Variants in TMEM132D observed in about 807,000 individuals in gnomAD.
The protein encoded by TMEM132D is mature OL transmembrane protein.
In TMEM132D, 21 loss-of-function variants were observed where a neutral mutation model predicts 62.3. The observed-to-expected ratio is 0.34, with a 90% CI of 0.24 to 0.49. TMEM132D has a LOEUF of 0.49. Ranked by LOEUF, TMEM132D falls within the 20% of genes least tolerant of loss-of-function variation. TMEM132D has a pLI of 0.99. For synonymous variants in TMEM132D, 621 were observed against 575.6 expected, an observed-to-expected ratio of 1.08 and a Z score of -1.13; for missense variants, 1,346 against 1,402.8, an observed-to-expected ratio of 0.96 and a Z score of 0.65.
chr12:129,274,142 CT>C (rs1880938098), intron 4 of TMEM132D, among the ~76,000 whole-genome samples: 2 of 151,894 alleles, frequency 1.3e-5, no homozygotes, highest in Admixed American at 6.5e-5. Context: ...TGCCGGAAGT[CT>C]TATGCGCATG....
chr12:129,137,371 G>T (rs1401090153), intron 5 of TMEM132D, among the ~76,000 whole-genome samples: 1 of 152,124 alleles, frequency 6.6e-6, no homozygotes, highest in African/African-American at 2.4e-5. Context: ...TAAATGCCCT[G>T]AAAATCTTAC....
intron 1 of TMEM132D, among the ~76,000 whole-genome samples, chr12:129,895,285 C>T (rs532584251): frequency 7.2e-5 from 11 of 152,180 alleles, no homozygotes; most frequent in Non-Finnish European, 1.0e-4. Flanking sequence ...TTGTTTGTAA[C>T]GTTACTGAAA....
chr12:129,128,828 A>C lies in TMEM132D; in HGVS notation c.1444-44126T>G, dbSNP rs554487858. Among the ~76,000 whole-genome samples the C allele has an allele frequency of 3.9e-5, 6 of 152,112 alleles. No individual in the cohort carries two copies. The South Asian group carries it at 1.3e-3, about 32-fold the overall frequency. ...CATGTGTGCCCATTGTTTAGCTCCA[A>C]CTTATACATGAGATCATGCAGTATT... On this transcript the variant is annotated intron_variant, in intron 5 of 8. Transcript: ENST00000422113.
intron 2 of TMEM132D, among the ~76,000 whole-genome samples, chr12:129,690,223 C>A (rs610524): frequency 0.013 from 1,950 of 152,022 alleles, 34 homozygotes; most frequent in African/African-American, 0.045. Context: ...AGAATCAGTA[C>A]ACCAAGAGAG....
chr12:129,792,823 T>C (rs951698939), intron 1 of TMEM132D, among the ~76,000 whole-genome samples: 2 of 151,994 alleles, frequency 1.3e-5, no homozygotes, highest in East Asian at 1.9e-4. Flanking sequence ...ACATTTGGCA[T>C]TTTTTTCTGA....
In TMEM132D at chr12:129,457,876, C is replaced by A. The variant is rs140579669; in HGVS notation, c.1115+73183G>T. On this transcript the variant is annotated intron_variant, in intron 3 of 8. Coordinates refer to ENST00000422113, the MANE Select transcript of TMEM132D (RefSeq NM_133448.3). ...CCCTCAGCAGGTCTCCCCTCCAACA[C>A]TGGGGATTACAATTTGACATGAGAT... is the stretch of plus-strand genomic sequence containing the variant. Among the ~76,000 whole-genome samples the A allele has an allele frequency of 3.4e-3, 525 of 152,318 alleles. 3 individuals carry two copies. Among genetic ancestry groups the A allele is most frequent in the African/African-American group, 0.011 (472 of 41,576 alleles).
chr12:129,414,881 A>C (rs1391093688), intron 3 of TMEM132D, among the ~76,000 whole-genome samples: 1 of 152,044 alleles, frequency 6.6e-6, no homozygotes, highest in Non-Finnish European at 1.5e-5. Context: ...CTGTGAATTC[A>C]ACTCTTTTAG....
At chr12:129,261,165 AG>A (rs1273473780) in intron 4 of TMEM132D, among the ~76,000 whole-genome samples, 1 of 152,044 alleles carries the variant, frequency 6.6e-6, no homozygotes, top group East Asian at 1.9e-4. Context: ...TTTTTTTAAA[AG>A]GGCTGTTTAT....
At chr12:129,086,819 A>C (rs577135550) in intron 5 of TMEM132D, among the ~76,000 whole-genome samples, 7 of 151,752 alleles carry the variant, frequency 4.6e-5, no homozygotes, top group Non-Finnish European at 1.0e-4. Flanking sequence ...TAACGTGTGT[A>C]TAACATGAGT....
At chr12:129,076,065 C>A (rs1017309534) in intron 8 of TMEM132D, among the ~76,000 whole-genome samples, 10 of 151,328 alleles carry the variant, frequency 6.6e-5, no homozygotes, top group Non-Finnish European at 1.5e-5. Flanking sequence ...CCATCAATCT[C>A]AGCAATGCTG....
At chr12:129,447,192 G>A (rs141857705) in intron 3 of TMEM132D, among the ~76,000 whole-genome samples, 336 of 152,178 alleles carry the variant, frequency 2.2e-3, no homozygotes, top group African/African-American at 7.7e-3. Flanking sequence ...TCCAACCACC[G>A]TCCAAAACCC....
chr12:129,586,794 C>T (rs1479588640), intron 2 of TMEM132D, among the ~76,000 whole-genome samples: 1 of 152,130 alleles, frequency 6.6e-6, no homozygotes, highest in Non-Finnish European at 1.5e-5. Context: ...ATAGCCTAGC[C>T]TATCTTGACT....
At chr12:129,177,392 C>T (rs7964069) in intron 5 of TMEM132D, among the ~76,000 whole-genome samples, 77,297 of 152,010 alleles carry the variant, frequency 0.51, 19,772 homozygotes, top group East Asian at 0.61. Flanking sequence ...GCAAATTACA[C>T]AGTATGTCAG....
chr12:129,086,608 CATTGTATATTTATAT>C (rs1014777215), intron 5 of TMEM132D, among the ~76,000 whole-genome samples: 20 of 150,254 alleles, frequency 1.3e-4, no homozygotes, highest in African/African-American at 4.6e-4. Flanking sequence ...AAAAATATTT[CATTGTATATTTATAT>C]ATTGTATATT....
intron 4 of TMEM132D, among the ~76,000 whole-genome samples, chr12:129,217,651 A>T (rs1879242974): frequency 6.6e-6 from 1 of 152,184 alleles, no homozygotes; most frequent in Admixed American, 6.5e-5. Flanking sequence ...ACATTTGAGA[A>T]AGGGGAATTT....
intron 5 of TMEM132D, among the ~76,000 whole-genome samples, chr12:129,134,109 C>CTG (rs1225247693): frequency 2.1e-5 from 2 of 93,672 alleles, no homozygotes; most frequent in Non-Finnish European, 4.6e-5. Context: ...TGTTGTGTGT[C>CTG]TGTGTGTTGT....
At chr12:129,537,387 A>T (rs1388177540) in intron 2 of TMEM132D, among the ~76,000 whole-genome samples, 1 of 152,110 alleles carries the variant, frequency 6.6e-6, no homozygotes, top group Non-Finnish European at 1.5e-5. Context: ...ACCCCACGAT[A>T]AAGGAGACAC....
At chr12:129,841,160 C>T (rs543754386) in intron 1 of TMEM132D, among the ~76,000 whole-genome samples, 1 of 152,226 alleles carries the variant, frequency 6.6e-6, no homozygotes, top group Non-Finnish European at 1.5e-5. Context: ...TGTGTATATA[C>T]ATAATTCTAC....
intron 2 of TMEM132D, among the ~76,000 whole-genome samples, chr12:129,609,437 T>C (rs1048973152): frequency 2.0e-5 from 3 of 152,092 alleles, no homozygotes; most frequent in African/African-American, 7.2e-5. Flanking sequence ...CCCCGTGGCA[T>C]GGTTGGCATC....
Sources: gnomAD v4.1 joint callset for allele counts (sites outside exome capture counted in the v4.1 genomes callset) on GRCh38, gnomAD v4.1.1 for gene constraint, MANE v1.5 for transcripts, NCBI Gene and HGNC (gene_info 2026-07-23, HGNC 2026-07-21) for gene names.